The following HBS1L variants were observed in gnomAD, a reference collection of about 807,000 sequenced individuals.
HBS1L encodes the protein HBS1 like translational GTPase, also known as HBS1-like protein.
A neutral mutation model predicts 88.9 loss-of-function variants in HBS1L; 55 were observed. The observed-to-expected ratio is 0.62, with a 90% CI of 0.50 to 0.77. The LOEUF (loss-of-function observed/expected upper bound fraction) is 0.77. HBS1L is among the 30% of genes least tolerant of loss of function. The pLI is 0.00. For missense variants in HBS1L, 741 were observed against 829.3 expected, an observed-to-expected ratio of 0.89 and a Z score of 1.31; for synonymous variants, 267 against 288.5, an observed-to-expected ratio of 0.93 and a Z score of 0.76.
intron 3 of HBS1L, among the ~76,000 whole-genome samples, chr6:135,040,344 CTTTTTTTTTT>C (rs71006751): frequency 0.38 from 42,352 of 111,276 alleles, 7,060 homozygotes; most frequent in Middle Eastern, 0.46. Flanking sequence ...GATAGGCATT[CTTTTTTTTTT>C]TTTTTTTTTT....
rs1391154452 is a variant in HBS1L at position 134,997,607 on chromosome 6, G to T, written c.589C>A (p.Pro197Thr). 1 of 1,613,936 alleles carries T rather than the reference G, an allele frequency of 6.2e-7. No homozygotes were observed. Among genetic ancestry groups the T allele is most frequent in the South Asian group, 1.1e-5 (1 of 91,072 alleles). The stretch of plus-strand genomic sequence containing the variant: ...GAAGCAATGGCATCTTCAATGGGCG[G>T]TCCTTTTTGAGGTGTGTGGAAACTA... ...GHSFHTPQKG[P>T]PIEDAIASSD... The change falls in exon 6 of 18, where the codon CCG (proline) becomes ACG (threonine). Residue 197 changes from proline to threonine, a missense_variant. Physicochemically the swap from Pro to Thr is conservative, Grantham distance 38. Around this residue, in one of 3 missense-constraint regions of HBS1L, gnomAD observed 556 missense variants for 598.4 expected, o/e 0.93. Transcript: ENST00000367837.
chr6:135,045,506 A>C (rs921355375), intron 2 of HBS1L, among the ~76,000 whole-genome samples: 1 of 152,218 alleles, frequency 6.6e-6, no homozygotes, highest in Non-Finnish European at 1.5e-5. Context: ...ATTATGACTC[A>C]GTGGTGCTGG....
chr6:134,987,873 A>C, intron 8 of HBS1L, 82 bp from the exon 9 acceptor site: 1 of 1,249,436 alleles, frequency 8.0e-7, no homozygotes, highest in Non-Finnish European at 1.1e-6. Flanking sequence ...TAATTATGTT[A>C]GTCACATTTT....
rs550875842 is a variant in HBS1L at position 135,021,814 on chromosome 6, G to T, written c.430+17759C>A. On this transcript the variant is annotated intron_variant, in intron 4 of 17. Transcript: ENST00000367837. Reference sequence around the variant, plus strand: ...ATTAGGCAATTTATTTATTTTATATGAGCCTCACCTTAAAGGTTCTTATAA... The same window carrying T: ...ATTAGGCAATTTATTTATTTTATATTAGCCTCACCTTAAAGGTTCTTATAA... Among the ~76,000 whole-genome samples the T allele has an allele frequency of 2.6e-5, 4 of 152,210 alleles. No individual in the cohort carries two copies. The East Asian group carries it at 7.7e-4, about 29-fold the overall frequency.
chr6:134,971,250 A>G (rs1320320873), intron 15 of HBS1L, among the ~76,000 whole-genome samples: 2 of 152,246 alleles, frequency 1.3e-5, no homozygotes, highest in African/African-American at 4.8e-5. Flanking sequence ...ACTTGCCACA[A>G]TGAATGGTAA....
intron 13 of HBS1L, among the ~76,000 whole-genome samples, chr6:134,980,574 A>T (rs1218424716): frequency 6.6e-6 from 1 of 151,998 alleles, no homozygotes; most frequent in African/African-American, 2.4e-5. Context: ...GATGTTTTAT[A>T]CTACAAGTTC....
intron 1 of HBS1L, among the ~76,000 whole-genome samples, chr6:135,051,053 C>T (rs1348292675): frequency 6.6e-6 from 1 of 152,006 alleles, no homozygotes; most frequent in African/African-American, 2.4e-5. Flanking sequence ...TGGTGAAACC[C>T]CGTCTCTACT....
chr6:135,046,695 G>A (rs1019577414), intron 2 of HBS1L, among the ~76,000 whole-genome samples: 3 of 152,090 alleles, frequency 2.0e-5, no homozygotes, highest in Non-Finnish European at 4.4e-5. Context: ...CAGGAAAATT[G>A]AGCTTAATAG....
rs759049590 is a variant in HBS1L at position 134,985,351 on chromosome 6, A to G, written c.1482T>C (p.Asp494=). ...IDKPFRLCVS[D]VFKDQGSGFC... ...AAAGGTAGCACTTACCTTTGAAAAC[A>G]TCGGACACACATAATCTAAAAGGTT... The change falls in exon 12 of 18, where the codon GAT becomes GAC. Residue 494 remains aspartate, a synonymous_variant. Coordinates refer to ENST00000367837, the MANE Select transcript of HBS1L (RefSeq NM_006620.4). 71 of 1,605,224 alleles carry G rather than the reference A, an allele frequency of 4.4e-5. No individual in the cohort carries two copies. Among genetic ancestry groups the G allele is most frequent in the Non-Finnish European group, 2.6e-6 (3 of 1,175,414 alleles).
At chr6:134,988,466 C>A (rs1042210637) in intron 8 of HBS1L, among the ~76,000 whole-genome samples, 7 of 145,842 alleles carry the variant, frequency 4.8e-5, no homozygotes, top group Admixed American at 6.8e-5. Context: ...ACATAAAAAA[C>A]CCCAAAACAA....
At chr6:135,049,807 G>A (rs946465650) in intron 2 of HBS1L, among the ~76,000 whole-genome samples, 1 of 152,088 alleles carries the variant, frequency 6.6e-6, no homozygotes, top group Non-Finnish European at 1.5e-5. Context: ...CCTGACCTCA[G>A]GTGATCCACC....
At chr6:135,044,880 G>A (rs997415989) in intron 2 of HBS1L, among the ~76,000 whole-genome samples, 1 of 152,146 alleles carries the variant, frequency 6.6e-6, no homozygotes, top group Non-Finnish European at 1.5e-5. Context: ...AGGAAATACT[G>A]ACAGGGAAGA....
At chr6:134,974,141 C>T (rs1774575273) in intron 15 of HBS1L, among the ~76,000 whole-genome samples, 1 of 152,002 alleles carries the variant, frequency 6.6e-6, no homozygotes, top group Non-Finnish European at 1.5e-5. Flanking sequence ...CGTGCACACA[C>T]TAGAAAATCT....
At chr6:134,982,901 T>C (rs1458261423) in intron 12 of HBS1L, 3 of 161,934 alleles carry the variant, frequency 1.9e-5, no homozygotes, top group African/African-American at 7.2e-5. Flanking sequence ...ATTATACTAG[T>C]GAAGAGAAAG....
At chr6:134,982,405 TCTG>T (rs766143082) in intron 13 of HBS1L, 50 bp downstream of exon 13, 1 of 1,097,802 alleles carries the variant, frequency 9.1e-7, no homozygotes, top group Non-Finnish European at 1.4e-6. Context: ...TTTTTAAAAA[TCTG>T]CTGTCTCAAC....
At chr6:135,019,134 C>A (rs1562299656) in intron 4 of HBS1L, among the ~76,000 whole-genome samples, 1 of 151,698 alleles carries the variant, frequency 6.6e-6, no homozygotes. Context: ...GAACTATAAC[C>A]CTACTTTTGC....
At chr6:135,026,325 TGA>T (rs992628385) in intron 4 of HBS1L, among the ~76,000 whole-genome samples, 3 of 152,162 alleles carry the variant, frequency 2.0e-5, no homozygotes, top group Admixed American at 1.3e-4. Flanking sequence ...TTTTTAACAG[TGA>T]GAGATCAATA....
At chr6:135,028,928 T>C (rs1310994206) in intron 4 of HBS1L, among the ~76,000 whole-genome samples, 1 of 151,898 alleles carries the variant, frequency 6.6e-6, no homozygotes, top group East Asian at 1.9e-4. Context: ...AAAAGAGGCA[T>C]GTGAGATAAC....
rs1453126289 is a variant in HBS1L, at chr6:134,963,840, T to C, written c.*1439A>G. 1 of 152,182 alleles carries C rather than the reference T, an allele frequency of 6.6e-6. No individual in the cohort carries two copies. Among genetic ancestry groups the C allele is most frequent in the Non-Finnish European group, 1.5e-5 (1 of 68,038 alleles). 9.4% of individuals were successfully genotyped at this position (152,182 alleles called of 1,614,324 possible). A position where few individuals can be genotyped will look rare whatever the true frequency, so the allele number is the denominator to read the frequency against. ...AAATGGAATCAAAGCTAGAGCTACC[T>C]CTAATTTTCTCAGTTATGTCATTCA... On this transcript the variant is annotated 3_prime_UTR_variant, in exon 18 of 18. Coordinates refer to ENST00000367837, the MANE Select transcript of HBS1L (RefSeq NM_006620.4).
Sources: allele counts gnomAD v4.1 joint callset (sites outside exome capture counted in the v4.1 genomes callset), GRCh38; gene constraint gnomAD v4.1.1; regional missense constraint gnomAD v4.1.1; transcripts MANE v1.5; gene names NCBI Gene and HGNC (gene_info 2026-07-23, HGNC 2026-07-21).